The following NPAS3 variants were observed in gnomAD, a reference collection of about 807,000 sequenced individuals.
The protein encoded by NPAS3 is neuronal PAS domain-containing protein 3.
NPAS3 carries 14 observed loss-of-function variants against 73.1 expected under a neutral mutation model. The ratio of observed to expected loss-of-function variants is 0.19; its 90% CI spans 0.13 to 0.30. The LOEUF (loss-of-function observed/expected upper bound fraction) is 0.30. Ranked by LOEUF, NPAS3 falls within the 10% of genes least tolerant of loss-of-function variation. The probability of loss-of-function intolerance (pLI) is 1.00; values close to 1 mark genes in which losing one functional copy is unlikely to be tolerated. For missense variants in NPAS3, 1,096 were observed against 1,250.0 expected (o/e 0.88, Z 1.86); for synonymous variants, 620 against 541.5 (o/e 1.14, Z -2.01).
intron 3 of NPAS3, among the ~76,000 whole-genome samples, chr14:33,239,951 C>T (rs575903936): frequency 6.6e-6 from 1 of 151,802 alleles, no homozygotes; most frequent in Admixed American, 6.6e-5. Context: ...GGAGTAGAAC[C>T]CCTCAAATGT....
At chr14:33,212,087 A>T (rs915508220) in intron 2 of NPAS3, among the ~76,000 whole-genome samples, 2 of 152,218 alleles carry the variant, frequency 1.3e-5, no homozygotes, top group African/African-American at 4.8e-5. Flanking sequence ...ATAGTTCTTA[A>T]TTCAATGTGA....
At chr14:33,468,993 C>T (rs17496932) in intron 4 of NPAS3, among the ~76,000 whole-genome samples, 4,994 of 152,238 alleles carry the variant, frequency 0.033, 119 homozygotes, top group South Asian at 0.057. Context: ...CAACAAAACT[C>T]GGTATCTCCT....
chr14:33,607,410 A>C (rs1233933996), intron 5 of NPAS3, among the ~76,000 whole-genome samples: 1 of 149,794 alleles, frequency 6.7e-6, no homozygotes, highest in East Asian at 2.0e-4. Flanking sequence ...GCCAAACCAA[A>C]AAAAAAAAAA....
chr14:33,758,728 T>C (rs1205667753), intron 7 of NPAS3, among the ~76,000 whole-genome samples: 1 of 152,128 alleles, frequency 6.6e-6, no homozygotes, highest in Non-Finnish European at 1.5e-5. Context: ...ACATCCAAGG[T>C]TTTTCTTATT....
intron 4 of NPAS3, among the ~76,000 whole-genome samples, chr14:33,511,492 G>A (rs1413284945): frequency 6.6e-6 from 1 of 152,058 alleles, no homozygotes; most frequent in African/African-American, 2.4e-5. Flanking sequence ...ATATAAAACA[G>A]CACAAAAATT....
rs117000391 is a variant in NPAS3 at position 33,327,420 on chromosome 14, A to G, written c.386-39766A>G. 4.9e-4 allele frequency among the ~76,000 whole-genome samples: 74 copies of G among 152,346 alleles called. 1 individual carries two copies. In the East Asian group the frequency reaches 0.012, roughly 24 times the overall value. On this transcript the variant is annotated intron_variant, in intron 3 of 11. Coordinates refer to ENST00000356141, the Ensembl canonical transcript of NPAS3. ...TACTTAAATACCTGGCTTAAATACA[A>G]ATTACTTAAATACAAATTCTGATGC...
chr14:33,621,165 G>A (rs759575630), intron 5 of NPAS3, among the ~76,000 whole-genome samples: 18 of 151,916 alleles, frequency 1.2e-4, no homozygotes, highest in Non-Finnish European at 2.4e-4. Context: ...GATGGATGTG[G>A]AACTCTTAAA....
At position 33,294,415 on chromosome 14, in the gene NPAS3, A is replaced by C. The variant is rs528823800; in HGVS notation, c.386-72771A>C. ...ATCTGAAATGTGAGTTCCTCAGGGC[A>C]GCCTCTTTGATGCTCCATTTTTGGT... is the stretch of plus-strand genomic sequence containing the variant. On this transcript the variant is annotated intron_variant, in intron 3 of 11. Coordinates refer to ENST00000356141, the Ensembl canonical transcript of NPAS3. Among the ~76,000 whole-genome samples, 7 of 152,270 alleles carry C rather than the reference A, an allele frequency of 4.6e-5. 1 individual carries two copies. Among genetic ancestry groups the C allele is most frequent in the African/African-American group, 1.7e-4 (7 of 41,548 alleles).
intron 2 of NPAS3, among the ~76,000 whole-genome samples, chr14:33,071,743 G>C (rs1348827770): frequency 1.3e-5 from 2 of 152,114 alleles, no homozygotes; most frequent in African/African-American, 2.4e-5. Context: ...ATACAACCTA[G>C]TCAAAGTGGT....
intron 7 of NPAS3, among the ~76,000 whole-genome samples, chr14:33,741,313 A>C (rs2061650471): frequency 6.6e-6 from 1 of 152,174 alleles, no homozygotes; most frequent in Non-Finnish European, 1.5e-5. Flanking sequence ...CAATAGGTGA[A>C]TTTTCAGAGA....
At chr14:33,522,074 A>G (rs2053582131) in intron 4 of NPAS3, among the ~76,000 whole-genome samples, 1 of 152,148 alleles carries the variant, frequency 6.6e-6, no homozygotes, top group Non-Finnish European at 1.5e-5. Context: ...AAAATTTAAT[A>G]TGGTTTAGAA....
chr14:32,992,353 G>A (rs1302594795), intron 1 of NPAS3, among the ~76,000 whole-genome samples: 1 of 152,192 alleles, frequency 6.6e-6, no homozygotes, highest in Non-Finnish European at 1.5e-5. Context: ...AGATGACTTT[G>A]CCTATTTCTG....
At chr14:33,345,380 T>G (rs2044679141) in intron 3 of NPAS3, among the ~76,000 whole-genome samples, 2 of 152,194 alleles carry the variant, frequency 1.3e-5, no homozygotes, top group African/African-American at 2.4e-5. Flanking sequence ...AAAATAAATG[T>G]AGAATGTTCA....
intron 4 of NPAS3, among the ~76,000 whole-genome samples, chr14:33,460,451 T>A (rs2050210291): frequency 6.6e-6 from 1 of 152,192 alleles, no homozygotes; most frequent in Non-Finnish European, 1.5e-5. Context: ...ACTAGGCAAC[T>A]CCATGTTATA....
At chr14:33,349,829 C>A (rs972333251) in intron 3 of NPAS3, among the ~76,000 whole-genome samples, 15 of 152,164 alleles carry the variant, frequency 9.9e-5, no homozygotes, top group African/African-American at 2.9e-4. Context: ...ATGCTAGTGG[C>A]ATAACTGGAG....
rs140098930 is a variant in NPAS3 at position 33,197,267 on chromosome 14, G to GTT, written c.141-17914_141-17913dup. Reference sequence around the variant, plus strand: ...TGTGTGTGTGTGTGTGTGTGTGTGTGTTCTTTTTCAATTGAGATCCACTGT... The same window carrying GTT: ...TGTGTGTGTGTGTGTGTGTGTGTGTGTTTTCTTTTTCAATTGAGATCCACTGT... On this transcript the variant is annotated intron_variant, in intron 2 of 11. Transcript: ENST00000356141. Among the ~76,000 whole-genome samples, 87 of 148,830 alleles carry GTT rather than the reference G, an allele frequency of 5.8e-4. 1 individual carries two copies. The highest frequency in any genetic ancestry group is 6.8e-3 in the Middle Eastern group (2 of 294).
At chr14:33,594,619 T>C (rs1313662355) in intron 5 of NPAS3, among the ~76,000 whole-genome samples, 1 of 152,156 alleles carries the variant, frequency 6.6e-6, no homozygotes, top group East Asian at 1.9e-4. Flanking sequence ...CCCAGCCTCC[T>C]GCTGGCCCAG....
chr14:33,640,376 T>C lies in NPAS3; in HGVS notation c.559-35835T>C, dbSNP rs2058644718. ...ATTTTCCTGGAAGATCTACCTGAAG[T>C]CTATGCAGTGATCATCTTCACAATA... On this transcript the variant is annotated intron_variant, in intron 5 of 11. Coordinates refer to ENST00000356141, the Ensembl canonical transcript of NPAS3. 2.6e-5 allele frequency among the ~76,000 whole-genome samples: 4 copies of C among 152,286 alleles called. No individual in the cohort carries two copies. In the South Asian group the frequency reaches 8.3e-4, roughly 32 times the overall value.
intron 3 of NPAS3, among the ~76,000 whole-genome samples, chr14:33,264,930 C>G (rs1358603902): frequency 3.9e-5 from 6 of 152,246 alleles, no homozygotes; most frequent in Non-Finnish European, 8.8e-5. Flanking sequence ...CCTGAGTTCC[C>G]AGAGTTTCTC....
Sources: gnomAD v4.1 joint callset for allele counts (sites outside exome capture counted in the v4.1 genomes callset) on GRCh38, gnomAD v4.1.1 for gene constraint, MANE v1.5 for transcripts, NCBI Gene and HGNC (gene_info 2026-07-23, HGNC 2026-07-21) for gene names.